The following SLC39A11 variants were observed in gnomAD, a reference collection of about 807,000 sequenced individuals.
SLC39A11 encodes the protein solute carrier family 39 member 11, also known as zinc transporter ZIP11.
Under a neutral mutation model 36.1 loss-of-function variants are expected in SLC39A11, and 33 were observed. The ratio of observed to expected loss-of-function variants is 0.91; its 90% CI spans 0.69 to 1.22. The LOEUF is 1.22. Among genes scored for constraint, SLC39A11 ranks in the 50% most tolerant of loss-of-function variants. SLC39A11 has a pLI of 0.00. For synonymous variants in SLC39A11, 166 were observed against 170.3 expected (o/e 0.97, Z 0.20); for missense variants, 432 against 430.3 (o/e 1.00, Z -0.03).
chr17:72,673,960 T>C (rs1309464299), intron 7 of SLC39A11, among the ~76,000 whole-genome samples: 4 of 152,056 alleles, frequency 2.6e-5, no homozygotes, highest in Non-Finnish European at 5.9e-5. Flanking sequence ...CCCAGCTACT[T>C]GGGAGGCTGA....
At chr17:72,720,961 C>T (rs2073637735) in intron 7 of SLC39A11, among the ~76,000 whole-genome samples, 1 of 152,098 alleles carries the variant, frequency 6.6e-6, no homozygotes, top group Non-Finnish European at 1.5e-5. Context: ...ACCCACTCCC[C>T]CAGGCTCTCC....
chr17:72,962,389 GCTCAGGGTC>G (rs1007319908), intron 4 of SLC39A11, among the ~76,000 whole-genome samples: 1 of 152,150 alleles, frequency 6.6e-6, no homozygotes, highest in African/African-American at 2.4e-5. Flanking sequence ...CTCCTCTGAG[GCTCAGGGTC>G]CTCTTCCAAG....
At chr17:72,949,144 CTTTTTTTTTTTTTTTTTTTT>C (rs56036208) in intron 4 of SLC39A11, among the ~76,000 whole-genome samples, 2 of 36,508 alleles carry the variant, frequency 5.5e-5, no homozygotes, top group Non-Finnish European at 5.4e-5. Context: ...CACTGGGCAG[CTTTTTTTTTTTTTTTTTTTT>C]TTTTTTTTTT....
intron 6 of SLC39A11, among the ~76,000 whole-genome samples, chr17:72,804,940 C>T (rs143599170): frequency 0.046 from 6,982 of 152,044 alleles, 296 homozygotes; most frequent in East Asian, 0.12. Context: ...CACTTGAACC[C>T]GGGAGGCGAA....
chr17:72,792,017 G>C (rs981023499), intron 6 of SLC39A11, among the ~76,000 whole-genome samples: 5 of 152,212 alleles, frequency 3.3e-5, no homozygotes, highest in African/African-American at 1.2e-4. Flanking sequence ...TCTCAGAGAA[G>C]AAAATCGAGG....
At chr17:72,844,167 G>A (rs1308582724) in intron 6 of SLC39A11, among the ~76,000 whole-genome samples, 1 of 152,134 alleles carries the variant, frequency 6.6e-6, no homozygotes, top group African/African-American at 2.4e-5. Flanking sequence ...CCTTTTCAAA[G>A]GTAAGTTGGC....
intron 7 of SLC39A11, among the ~76,000 whole-genome samples, chr17:72,649,631 TTTTTTTCTTTTTC>T (rs1261360861): frequency 1.0e-3 from 153 of 146,208 alleles, no homozygotes; most frequent in East Asian, 3.9e-3. Context: ...TTTCTTTTTC[TTTTTTTCTTTTTC>T]TTTTTTTTTT....
chr17:72,719,490 C>T (rs1219898618), intron 7 of SLC39A11, among the ~76,000 whole-genome samples: 4 of 152,206 alleles, frequency 2.6e-5, no homozygotes, highest in South Asian at 2.1e-4. Context: ...AGAACTAAAC[C>T]GCACCCACAG....
chr17:72,931,008 C>T (rs139746437), intron 5 of SLC39A11, among the ~76,000 whole-genome samples: 126 of 152,224 alleles, frequency 8.3e-4, no homozygotes, highest in African/African-American at 2.9e-3. Flanking sequence ...TGGGGCTGCA[C>T]GTGGCAGCCC....
At chr17:73,023,930 T>C (rs1233045993) in intron 4 of SLC39A11, among the ~76,000 whole-genome samples, 1 of 152,200 alleles carries the variant, frequency 6.6e-6, no homozygotes, top group Admixed American at 6.5e-5. Flanking sequence ...AAGGCAGCCA[T>C]CTGCAAGCCA....
At chr17:72,945,043 AGATGGATG>A (rs139488879) in intron 5 of SLC39A11, among the ~76,000 whole-genome samples, 12 of 151,052 alleles carry the variant, frequency 7.9e-5, no homozygotes, top group Non-Finnish European at 1.6e-4. Flanking sequence ...AGCTAATTGG[AGATGGATG>A]GATGGATGGA....
chr17:73,081,985 G>A (rs891871733), intron 3 of SLC39A11, among the ~76,000 whole-genome samples: 3 of 151,122 alleles, frequency 2.0e-5, no homozygotes, highest in South Asian at 2.1e-4. Context: ...AGGGGTGAGC[G>A]ATAAAAGACT....
At position 72,797,196 on chromosome 17, in the gene SLC39A11, C is replaced by T. The variant is rs569496828; in HGVS notation, c.601+52438G>A. ...AGGATGTAAGACTTGTGCACAAATA[C>T]CCGCCATCCAAAGCAGCTCAAGAGG... On this transcript the variant is annotated intron_variant, in intron 6 of 9. Coordinates refer to ENST00000255559, the MANE Select transcript of SLC39A11 (RefSeq NM_139177.4). 2.6e-5 allele frequency among the ~76,000 whole-genome samples: 4 copies of T among 152,210 alleles called. No homozygotes were observed. In the South Asian group the frequency reaches 6.2e-4, roughly 24 times the overall value.
intron 3 of SLC39A11, among the ~76,000 whole-genome samples, chr17:73,044,951 C>T (rs1310308858): frequency 6.6e-6 from 1 of 151,542 alleles, no homozygotes; most frequent in East Asian, 1.9e-4. Context: ...ACACCACTGA[C>T]CAAACTCACT....
chr17:73,054,378 A>AC (rs1171399167), intron 3 of SLC39A11, among the ~76,000 whole-genome samples: 3 of 150,186 alleles, frequency 2.0e-5, no homozygotes, highest in African/African-American at 7.3e-5. Context: ...CAAAAAAACA[A>AC]AAAAAAAAAC....
At chr17:72,757,446 C>G (rs912973900) in intron 6 of SLC39A11, among the ~76,000 whole-genome samples, 2 of 152,126 alleles carry the variant, frequency 1.3e-5, no homozygotes, top group African/African-American at 4.8e-5. Flanking sequence ...GAGTCTCTCC[C>G]ATGCTCTCCT....
intron 6 of SLC39A11, among the ~76,000 whole-genome samples, chr17:72,742,396 C>A (rs1246432698): frequency 6.6e-6 from 1 of 152,150 alleles, no homozygotes; most frequent in East Asian, 1.9e-4. Context: ...GAACATCTGA[C>A]CTGCTGCCAC....
chr17:72,719,365 G>A (rs2073553417), intron 7 of SLC39A11, among the ~76,000 whole-genome samples: 1 of 152,204 alleles, frequency 6.6e-6, no homozygotes, highest in Non-Finnish European at 1.5e-5. Context: ...AGCAATGCAT[G>A]TAAGCAGCAC....
chr17:72,897,251 C>T (rs1417073072), intron 5 of SLC39A11, among the ~76,000 whole-genome samples: 9 of 151,964 alleles, frequency 5.9e-5, no homozygotes, highest in Admixed American at 4.6e-4. Flanking sequence ...TGCTGGACAT[C>T]GGAGGTGGGA....
Sources: gnomAD v4.1 joint callset for allele counts (sites outside exome capture counted in the v4.1 genomes callset) on GRCh38, gnomAD v4.1.1 for gene constraint, MANE v1.5 for transcripts, NCBI Gene and HGNC (gene_info 2026-07-23, HGNC 2026-07-21) for gene names.